BICD1: variants seen among roughly 807,000 people sequenced by gnomAD.
BICD1 encodes protein bicaudal D homolog 1.
In BICD1, 35 loss-of-function variants were observed where a neutral mutation model predicts 92.5. That is an observed-to-expected ratio of 0.38 (90% CI 0.29 to 0.50). BICD1 has a LOEUF of 0.50. Ranked by LOEUF, BICD1 falls within the 20% of genes least tolerant of loss-of-function variation. The pLI, the probability that BICD1 is intolerant of heterozygous loss-of-function variation, is 0.93. For synonymous variants in BICD1, 429 were observed against 465.1 expected, an observed-to-expected ratio of 0.92 and a Z score of 1.00; for missense variants, 950 against 1,189.8, an observed-to-expected ratio of 0.80 and a Z score of 2.97.
intron 8 of BICD1, among the ~76,000 whole-genome samples, chr12:32,345,409 T>C (rs1382545539): frequency 6.6e-6 from 1 of 152,190 alleles, no homozygotes; most frequent in East Asian, 1.9e-4. Context: ...ACAAAGGGTA[T>C]ACAGTAGATG....
chr12:32,163,831 C>T (rs1943670413), intron 1 of BICD1, among the ~76,000 whole-genome samples: 1 of 152,070 alleles, frequency 6.6e-6, no homozygotes, highest in Non-Finnish European at 1.5e-5. Flanking sequence ...CCACTAGTAC[C>T]ACTCACAGGC....
intron 1 of BICD1, among the ~76,000 whole-genome samples, chr12:32,135,022 C>CCTCCTCTCCT (rs149880101): frequency 0.64 from 85,841 of 134,860 alleles, 27,936 homozygotes; most frequent in East Asian, 0.85. Context: ...GTGAATGAGT[C>CCTCCTCTCCT]CTCCTCTCCT....
chr12:32,201,879 A>G (rs889078958), intron 1 of BICD1, among the ~76,000 whole-genome samples: 1 of 152,172 alleles, frequency 6.6e-6, no homozygotes, highest in Non-Finnish European at 1.5e-5. Flanking sequence ...TTCTGAATAG[A>G]CATATTCTGC....
intron 2 of BICD1, among the ~76,000 whole-genome samples, chr12:32,270,678 C>A (rs11051889): frequency 0.047 from 7,173 of 152,246 alleles, 291 homozygotes; most frequent in East Asian, 0.2. Flanking sequence ...ACACTGAATT[C>A]ATTTGGCTGG....
chr12:32,357,363 T>C (rs1329317424), intron 8 of BICD1, among the ~76,000 whole-genome samples: 2 of 152,154 alleles, frequency 1.3e-5, no homozygotes, highest in Non-Finnish European at 2.9e-5. Flanking sequence ...TATATCTTTT[T>C]CATTTTGAGT....
chr12:32,320,071 T>C (rs1299864381), intron 4 of BICD1, among the ~76,000 whole-genome samples: 2 of 152,216 alleles, frequency 1.3e-5, no homozygotes, highest in South Asian at 2.1e-4. Context: ...AATTATCTTT[T>C]GTTGGGGCAC....
At chr12:32,181,335 G>T (rs1301434095) in intron 1 of BICD1, among the ~76,000 whole-genome samples, 2 of 151,514 alleles carry the variant, frequency 1.3e-5, no homozygotes, top group African/African-American at 4.8e-5. Context: ...CAGGAGAATC[G>T]CTTGGACCTG....
At chr12:32,292,021 G>C (rs76823535) in intron 2 of BICD1, among the ~76,000 whole-genome samples, 19,693 of 152,152 alleles carry the variant, frequency 0.13, 1,386 homozygotes, top group East Asian at 0.22. Flanking sequence ...TTCTGTCACT[G>C]TAGATTAGTT....
At chr12:32,357,556 C>T (rs576071069) in intron 8 of BICD1, among the ~76,000 whole-genome samples, 130 of 152,216 alleles carry the variant, frequency 8.5e-4, no homozygotes, top group African/African-American at 3.1e-3. Context: ...CTGGGGCTTC[C>T]ATCATGAATG....
At chr12:32,111,668 T>C (rs1211532272) in intron 1 of BICD1, among the ~76,000 whole-genome samples, 6 of 152,028 alleles carry the variant, frequency 3.9e-5, no homozygotes, top group Non-Finnish European at 8.8e-5. Context: ...AGTGCGGTGG[T>C]GTGATCTCGG....
At chr12:32,247,280 A>C (rs1006063700) in intron 2 of BICD1, among the ~76,000 whole-genome samples, 2 of 151,518 alleles carry the variant, frequency 1.3e-5, no homozygotes, top group Non-Finnish European at 2.9e-5. Context: ...AGTGGTGAAG[A>C]CAAGTAGGTA....
At chr12:32,299,603 C>T (rs1158732798) in intron 3 of BICD1, among the ~76,000 whole-genome samples, 2 of 152,140 alleles carry the variant, frequency 1.3e-5, no homozygotes, top group Non-Finnish European at 1.5e-5. Flanking sequence ...GTGGCTCACA[C>T]CTGTAATCCC....
chr12:32,287,362 T>A (rs1258748497), intron 2 of BICD1, among the ~76,000 whole-genome samples: 1 of 152,084 alleles, frequency 6.6e-6, no homozygotes, highest in Non-Finnish European at 1.5e-5. Context: ...ATTATGAGAT[T>A]TCTTGGATGT....
chr12:32,304,443 T>C (rs974911518), intron 3 of BICD1, among the ~76,000 whole-genome samples: 1 of 152,198 alleles, frequency 6.6e-6, no homozygotes, highest in African/African-American at 2.4e-5. Flanking sequence ...CAAATGCACA[T>C]TGAACAGCAG....
intron 1 of BICD1, among the ~76,000 whole-genome samples, chr12:32,119,524 T>A (rs1225213338): frequency 6.6e-6 from 1 of 152,160 alleles, no homozygotes; most frequent in African/African-American, 2.4e-5. Flanking sequence ...GAACCCCTCT[T>A]CTATATTTCC....
intron 8 of BICD1, among the ~76,000 whole-genome samples, chr12:32,344,413 G>A (rs1159222737): frequency 2.0e-5 from 3 of 152,060 alleles, no homozygotes; most frequent in African/African-American, 4.8e-5. Flanking sequence ...GACTTACCAC[G>A]GGCATAGCTT....
At chr12:32,216,798 G>C (rs571480854) in intron 2 of BICD1, among the ~76,000 whole-genome samples, 19 of 152,204 alleles carry the variant, frequency 1.2e-4, no homozygotes, top group Non-Finnish European at 5.9e-5. Context: ...GGAGAAGAAC[G>C]GTTGGCTGTA....
At position 32,231,376 on chromosome 12, in the gene BICD1, G is replaced by C. The variant is rs182296168; in HGVS notation, c.426+14917G>C. ...CGTGTGCCTGTAGTCCCAGATACTCGGGAGGTTGAGGCTGCAGTGAGCTGT... is the reference window on the plus strand; with the variant it reads ...CGTGTGCCTGTAGTCCCAGATACTCCGGAGGTTGAGGCTGCAGTGAGCTGT... On this transcript the variant is annotated intron_variant, in intron 2 of 9. Transcript: ENST00000652176. 4.6e-5 allele frequency among the ~76,000 whole-genome samples: 7 copies of C among 151,936 alleles called. No homozygotes were observed. The East Asian group carries it at 1.4e-3, about 29-fold the overall frequency.
At chr12:32,322,421 T>C (rs1481959911) in intron 4 of BICD1, among the ~76,000 whole-genome samples, 4 of 152,194 alleles carry the variant, frequency 2.6e-5, no homozygotes, top group Non-Finnish European at 4.4e-5. Flanking sequence ...CCATTAGATC[T>C]CATAAGGAGC....
Sources: allele counts gnomAD v4.1 joint callset (sites outside exome capture counted in the v4.1 genomes callset), GRCh38; gene constraint gnomAD v4.1.1; transcripts MANE v1.5; gene names NCBI Gene and HGNC (gene_info 2026-07-23, HGNC 2026-07-21).